CNTN4: variants seen among roughly 807,000 people sequenced by gnomAD.
CNTN4 encodes contactin-4.
CNTN4 carries 77 observed loss-of-function variants against 122.5 expected under a neutral mutation model. The observed-to-expected ratio is 0.63, with a 90% CI of 0.52 to 0.76. The LOEUF is 0.76. CNTN4 is among the 30% of genes least tolerant of loss of function. CNTN4 has a pLI of 0.00. For synonymous variants in CNTN4, 512 were observed against 447.0 expected, an observed-to-expected ratio of 1.15 and a Z score of -1.83; for missense variants, 1,256 against 1,259.1, an observed-to-expected ratio of 1.00 and a Z score of 0.04.
At chr3:2,597,900 G>C (rs985981634) in intron 4 of CNTN4, among the ~76,000 whole-genome samples, 5 of 152,194 alleles carry the variant, frequency 3.3e-5, no homozygotes, top group Admixed American at 6.5e-5. Flanking sequence ...TATGTAGGAG[G>C]AAGAAAGTAC....
chr3:2,671,281 G>A (rs566887137), intron 4 of CNTN4, among the ~76,000 whole-genome samples: 1 of 152,262 alleles, frequency 6.6e-6, no homozygotes, highest in Non-Finnish European at 1.5e-5. Flanking sequence ...TGGAGGCTTT[G>A]TTCATTTCAT....
intron 4 of CNTN4, among the ~76,000 whole-genome samples, chr3:2,599,623 G>A (rs540907941): frequency 1.2e-4 from 18 of 152,148 alleles, no homozygotes; most frequent in Admixed American, 7.9e-4. Flanking sequence ...CTGTATTACG[G>A]CTATCTTTTG....
rs562430309 is a variant in CNTN4, at chr3:2,730,868, G to A, written c.56-5347G>A. ...CAGCAGCCTGAGTAGTATCCTGCTT[G>A]CCTGGGAGGGAAGTTCAGGAAAATG... On this transcript the variant is annotated intron_variant, in intron 4 of 24. Coordinates refer to ENST00000418658, the MANE Select transcript of CNTN4 (RefSeq NM_175607.3). Among the ~76,000 whole-genome samples the A allele has an allele frequency of 1.4e-4, 22 of 152,064 alleles. 1 individual carries two copies. In the South Asian group the frequency reaches 4.4e-3, roughly 30 times the overall value.
intron 2 of CNTN4, among the ~76,000 whole-genome samples, chr3:2,203,066 T>C (rs1251258376): frequency 6.6e-6 from 1 of 151,706 alleles, no homozygotes; most frequent in Non-Finnish European, 1.5e-5. Flanking sequence ...ACTCCTGACC[T>C]CAAGTTGTCT....
In CNTN4 at chr3:2,552,896, A is replaced by G. The variant is rs1003845355; in HGVS notation, c.-88-18520A>G. Among the ~76,000 whole-genome samples the G allele has an allele frequency of 5.9e-5, 9 of 152,290 alleles. No homozygotes were observed. The East Asian group carries it at 1.2e-3, about 20-fold the overall frequency. ...TATGAGGAAGGTGACGTGCTACGGC[A>G]TGGCGAAGTGTGTTGAGTAGGCACC... On this transcript the variant is annotated intron_variant, in intron 3 of 24. Transcript: ENST00000418658.
In CNTN4 at chr3:2,565,172, C is replaced by T. The variant is rs73108600; in HGVS notation, c.-88-6244C>T. Reference sequence around the variant, plus strand: ...AGGGATTCCATCCTATACATGTCTGCCTCTTGTTTAATAGATGTAGCTTCC... The same window carrying T: ...AGGGATTCCATCCTATACATGTCTGTCTCTTGTTTAATAGATGTAGCTTCC... On this transcript the variant is annotated intron_variant, in intron 3 of 24. Coordinates refer to ENST00000418658, the MANE Select transcript of CNTN4 (RefSeq NM_175607.3). Among the ~76,000 whole-genome samples, 1,395 of 152,174 alleles carry T rather than the reference C, an allele frequency of 9.2e-3. 20 individuals are homozygous for T. The highest frequency in any genetic ancestry group is 0.032 in the African/African-American group (1,324 of 41,530).
Position 2,705,555 on chromosome 3 carries a change from TAATTTATA to T in CNTN4, c.56-30644_56-30637del, listed in dbSNP as rs1317270249. Among the ~76,000 whole-genome samples, 195 of 79,778 alleles carry T rather than the reference TAATTTATA, an allele frequency of 2.4e-3. 1 individual carries two copies. Among genetic ancestry groups the T allele is most frequent in the African/African-American group, 0.011 (190 of 16,894 alleles). 52.3% of individuals were successfully genotyped at this position (79,778 alleles called of 152,430 possible). A position where few individuals can be genotyped will look rare whatever the true frequency, so the allele number is the denominator to read the frequency against. On this transcript the variant is annotated intron_variant, in intron 4 of 24. Coordinates refer to ENST00000418658, the MANE Select transcript of CNTN4 (RefSeq NM_175607.3). ...ATATATAAATATATATAAATATATA[TAATTTATA>T]AATTTATAAATTTATTTATATATAT...
intron 3 of CNTN4, among the ~76,000 whole-genome samples, chr3:2,475,934 A>G (rs190014521): frequency 6.6e-6 from 1 of 152,292 alleles, no homozygotes; most frequent in East Asian, 1.9e-4. Flanking sequence ...ATTCTGAAAT[A>G]CTGTCTGCAA....
intron 3 of CNTN4, among the ~76,000 whole-genome samples, chr3:2,554,379 T>G (rs2078635557): frequency 6.6e-6 from 1 of 152,130 alleles, no homozygotes; most frequent in African/African-American, 2.4e-5. Flanking sequence ...TAGTCCACAT[T>G]TCACTTTACA....
chr3:2,667,309 T>C (rs1164349452), intron 4 of CNTN4, among the ~76,000 whole-genome samples: 1 of 152,164 alleles, frequency 6.6e-6, no homozygotes, highest in Non-Finnish European at 1.5e-5. Flanking sequence ...GGTATCTCAT[T>C]GTGGTTTTGA....
At chr3:2,116,918 C>T (rs1412341047) in intron 2 of CNTN4, among the ~76,000 whole-genome samples, 1 of 152,064 alleles carries the variant, frequency 6.6e-6, no homozygotes, top group East Asian at 1.9e-4. Flanking sequence ...GTTTTCTATT[C>T]TCTCACTCAA....
chr3:2,998,344 C>T (rs979641981), intron 14 of CNTN4, among the ~76,000 whole-genome samples: 5 of 152,182 alleles, frequency 3.3e-5, no homozygotes, highest in Non-Finnish European at 7.3e-5. Context: ...AGACCACAAG[C>T]ATCAGAATCA....
chr3:2,601,292 A>G (rs1021241954), intron 4 of CNTN4, among the ~76,000 whole-genome samples: 1 of 152,202 alleles, frequency 6.6e-6, no homozygotes, highest in Non-Finnish European at 1.5e-5. Context: ...TATGTTCTGA[A>G]TGGTATTGCC....
At chr3:2,188,605 A>G (rs1048128557) in intron 2 of CNTN4, among the ~76,000 whole-genome samples, 10 of 152,166 alleles carry the variant, frequency 6.6e-5, no homozygotes, top group African/African-American at 2.4e-4. Flanking sequence ...TCTGGGTTCT[A>G]GGGAGGGATA....
At chr3:3,006,685 G>T (rs1574797761) in intron 14 of CNTN4, among the ~76,000 whole-genome samples, 1 of 152,252 alleles carries the variant, frequency 6.6e-6, no homozygotes, top group South Asian at 2.1e-4. Context: ...GTCGTCAATG[G>T]GGCATAGTGA....
chr3:2,912,017 AT>A lies in CNTN4; in HGVS notation c.1207+9013del, dbSNP rs1241906115. 7.9e-5 allele frequency among the ~76,000 whole-genome samples: 12 copies of A among 152,296 alleles called. No individual in the cohort carries two copies. The East Asian group carries it at 1.9e-3, about 25-fold the overall frequency. ...AAAGAGAGAAAATGGCAGAGAGCCT[AT>A]CTGAAGAAAAAATGGCTGAAAACTT... is the stretch of plus-strand genomic sequence containing the variant. On this transcript the variant is annotated intron_variant, in intron 12 of 24. Coordinates refer to ENST00000418658, the MANE Select transcript of CNTN4 (RefSeq NM_175607.3).
intron 6 of CNTN4, among the ~76,000 whole-genome samples, chr3:2,816,227 G>A (rs1052659684): frequency 1.0e-4 from 15 of 146,196 alleles, no homozygotes; most frequent in African/African-American, 2.2e-4. Flanking sequence ...GGTGGCGGGC[G>A]CCTGTAGTCC....
At chr3:2,943,844 G>C (rs1345702195) in intron 13 of CNTN4, among the ~76,000 whole-genome samples, 7 of 151,288 alleles carry the variant, frequency 4.6e-5, no homozygotes, top group African/African-American at 1.7e-4. Flanking sequence ...GGTTGGTCTC[G>C]ATCTCCTGAC....
intron 2 of CNTN4, among the ~76,000 whole-genome samples, chr3:2,284,720 T>G (rs1394441454): frequency 6.6e-6 from 1 of 151,978 alleles, no homozygotes; most frequent in Non-Finnish European, 1.5e-5. Flanking sequence ...ATGTTCCTTC[T>G]TAAAGGTAAT....
Sources: allele counts gnomAD v4.1 joint callset (sites outside exome capture counted in the v4.1 genomes callset), GRCh38; gene constraint gnomAD v4.1.1; transcripts MANE v1.5; gene names NCBI Gene and HGNC (gene_info 2026-07-23, HGNC 2026-07-21).